Variants in ZNF536 observed in about 807,000 individuals in gnomAD.
The protein encoded by ZNF536 is zinc finger protein 536.
In ZNF536, 13 loss-of-function variants were observed where a neutral mutation model predicts 84.5. The ratio of observed to expected loss-of-function variants is 0.15; its 90% CI spans 0.10 to 0.24. The LOEUF is 0.24. Among genes scored for constraint, ZNF536 ranks in the 10% least tolerant of loss-of-function variants. The pLI is 1.00. For synonymous variants in ZNF536, 811 were observed against 742.5 expected (o/e 1.09, Z -1.50); for missense variants, 1,536 against 1,747.5 (o/e 0.88, Z 2.16).
intron 3 of ZNF536, among the ~76,000 whole-genome samples, chr19:30,363,971 G>A (rs577525482): frequency 1.3e-5 from 2 of 152,256 alleles, no homozygotes; most frequent in East Asian, 3.9e-4. Context: ...CAAGAGAGGG[G>A]GAATCTGGAA....
chr19:30,521,371 G>T (rs1205276978), intron 2 of ZNF536, among the ~76,000 whole-genome samples: 1 of 152,138 alleles, frequency 6.6e-6, no homozygotes, highest in Non-Finnish European at 1.5e-5. Flanking sequence ...TGCTTCTTCT[G>T]GGGGGCTTGT....
At chr19:30,590,323 C>T (rs2047232557) in intron 1 of ZNF536, among the ~76,000 whole-genome samples, 1 of 152,218 alleles carries the variant, frequency 6.6e-6, no homozygotes, top group Admixed American at 6.5e-5. Flanking sequence ...GGTAGCTTGG[C>T]AGCTGCCTTA....
At chr19:30,517,067 G>A (rs1351084395) in intron 2 of ZNF536, among the ~76,000 whole-genome samples, 3 of 152,100 alleles carry the variant, frequency 2.0e-5, no homozygotes, top group African/African-American at 4.8e-5. Flanking sequence ...TCTGATCACT[G>A]CCCTTCCTCC....
chr19:30,448,527 C>T (rs565172624), intron 2 of ZNF536, among the ~76,000 whole-genome samples: 7 of 152,150 alleles, frequency 4.6e-5, no homozygotes, highest in Non-Finnish European at 1.0e-4. Context: ...CTGCAAAACA[C>T]GGTTTTACAA....
chr19:30,488,482 G>C (rs901476762), intron 2 of ZNF536, among the ~76,000 whole-genome samples: 1 of 151,318 alleles, frequency 6.6e-6, no homozygotes, highest in African/African-American at 2.4e-5. Context: ...TCTGAAATGT[G>C]ATTTCTTTCA....
chr19:30,251,032 G>A (rs780818298), intron 1 of ZNF536, among the ~76,000 whole-genome samples: 16 of 151,784 alleles, frequency 1.1e-4, no homozygotes, highest in South Asian at 4.2e-4. Flanking sequence ...CCCATGACCC[G>A]GTCTACAAAG....
At chr19:30,388,533 A>G (rs1423119770) in intron 1 of ZNF536, among the ~76,000 whole-genome samples, 1 of 152,068 alleles carries the variant, frequency 6.6e-6, no homozygotes, top group African/African-American at 2.4e-5. Context: ...GGGGCTTGCC[A>G]TCCAGGTGCA....
At chr19:30,400,314 C>T (rs2049996092) in intron 1 of ZNF536, among the ~76,000 whole-genome samples, 1 of 152,042 alleles carries the variant, frequency 6.6e-6, no homozygotes, top group South Asian at 2.1e-4. Flanking sequence ...TCAAAGTTTT[C>T]CAGAGTGGCT....
At chr19:30,531,291 G>A (rs1239905701) in intron 2 of ZNF536, among the ~76,000 whole-genome samples, 1 of 152,160 alleles carries the variant, frequency 6.6e-6, no homozygotes, top group Non-Finnish European at 1.5e-5. Context: ...GTATAGTGAG[G>A]CAGGGCTCAT....
At chr19:30,591,143 G>A (rs1167038199) in intron 1 of ZNF536, among the ~76,000 whole-genome samples, 1 of 152,248 alleles carries the variant, frequency 6.6e-6, no homozygotes. Flanking sequence ...CAGACCAGAA[G>A]TAGATACTAG....
rs115403433 is a variant in ZNF536, at chr19:30,546,402, A to G, written c.2324-1541A>G. On this transcript the variant is annotated intron_variant, in intron 3 of 4. Coordinates refer to ENST00000355537, the MANE Select transcript of ZNF536 (RefSeq NM_014717.3). ...CCTAGACCTAAGGGCCACCTCTGAA[A>G]AAGTGTCCAGGAGAGATCTCAGCTG... Among the ~76,000 whole-genome samples, 352 of 152,312 alleles carry G rather than the reference A, an allele frequency of 2.3e-3. 2 individuals carry two copies. The highest frequency in any genetic ancestry group is 8.1e-3 in the African/African-American group (338 of 41,556).
At chr19:30,569,418 G>A (rs1452987146) in intron 1 of ZNF536, among the ~76,000 whole-genome samples, 1 of 151,820 alleles carries the variant, frequency 6.6e-6, no homozygotes, top group Non-Finnish European at 1.5e-5. Flanking sequence ...CCTTCTTGAT[G>A]GTACAAGAGG....
intron 2 of ZNF536, among the ~76,000 whole-genome samples, chr19:30,473,218 G>GTAA (rs71333458): frequency 0.06 from 9,112 of 150,682 alleles, 388 homozygotes; most frequent in South Asian, 0.14. Flanking sequence ...AATAATAATA[G>GTAA]TAATAATAAT....
chr19:30,578,787 C>G (rs560909796), intron 1 of ZNF536, among the ~76,000 whole-genome samples: 15 of 152,344 alleles, frequency 9.8e-5, no homozygotes, highest in Non-Finnish European at 1.6e-4. Context: ...CTCCACTTAC[C>G]AGGCCATAGG....
chr19:30,684,993 T>C (rs760367152), intron 1 of ZNF536, among the ~76,000 whole-genome samples: 3 of 152,208 alleles, frequency 2.0e-5, no homozygotes, highest in Non-Finnish European at 2.9e-5. Context: ...TTACAGCTAC[T>C]CAGGCCACGC....
downstream of ZNF536, among the ~76,000 whole-genome samples, chr19:30,559,436 C>G (rs1484978550): frequency 6.6e-6 from 1 of 152,186 alleles, no homozygotes; most frequent in Non-Finnish European, 1.5e-5. Context: ...TCTTTATTTG[C>G]AATGTCCCCT....
intron 3 of ZNF536, among the ~76,000 whole-genome samples, chr19:30,539,595 A>G (rs947202992): frequency 6.6e-6 from 1 of 152,212 alleles, no homozygotes; most frequent in Non-Finnish European, 1.5e-5. Flanking sequence ...GCATGTCCCC[A>G]GAGTCTCCTG....
At chr19:30,568,141 A>T (rs1457148570) in intron 1 of ZNF536, among the ~76,000 whole-genome samples, 1 of 152,214 alleles carries the variant, frequency 6.6e-6, no homozygotes, top group African/African-American at 2.4e-5. Flanking sequence ...CAAGCTGGAG[A>T]AGTTTAAAGA....
chr19:30,264,964 TGTGA>T (rs1182080623), intron 1 of ZNF536, among the ~76,000 whole-genome samples: 7 of 68,080 alleles, frequency 1.0e-4, no homozygotes, highest in Non-Finnish European at 2.0e-4. Context: ...TGTGTGTGTG[TGTGA>T]GAGAGAGAGA....
Sources: gnomAD v4.1 joint callset for allele counts (sites outside exome capture counted in the v4.1 genomes callset) on GRCh38, gnomAD v4.1.1 for gene constraint, MANE v1.5 for transcripts, NCBI Gene and HGNC (gene_info 2026-07-23, HGNC 2026-07-21) for gene names.